The following ZZEF1 variants were observed in gnomAD, a reference collection of about 807,000 sequenced individuals.
The protein encoded by ZZEF1 is zinc finger ZZ-type and EF-hand domain containing 1.
Under a neutral mutation model 342.8 loss-of-function variants are expected in ZZEF1, and 157 were observed. The observed-to-expected ratio is 0.46, with a 90% CI of 0.40 to 0.52. ZZEF1 has a LOEUF of 0.52. Among genes scored for constraint, ZZEF1 ranks in the 20% least tolerant of loss-of-function variants. The pLI is 0.00. For synonymous variants in ZZEF1, 1,505 were observed against 1,429.1 expected, an observed-to-expected ratio of 1.05 and a Z score of -1.20; for missense variants, 3,480 against 3,725.6, an observed-to-expected ratio of 0.93 and a Z score of 1.72.
intron 17 of ZZEF1, 121 bp downstream of exon 17, chr17:4,082,316 G>C (rs997124433): frequency 2.2e-6 from 2 of 893,166 alleles, no homozygotes; most frequent in African/African-American, 3.4e-5. Context: ...CAGAAACTCG[G>C]CTTTCTAACT....
intron 1 of ZZEF1, among the ~76,000 whole-genome samples, chr17:4,137,609 AAATAAT>A (rs546133221): frequency 2.0e-5 from 3 of 152,068 alleles, no homozygotes; most frequent in Non-Finnish European, 4.4e-5. Context: ...CTCTGTCTCA[AAATAAT>A]AATAATAATA....
At chr17:4,050,500 C>G (rs2057021414) in intron 36 of ZZEF1, among the ~76,000 whole-genome samples, 2 of 152,208 alleles carry the variant, frequency 1.3e-5, no homozygotes, top group South Asian at 4.1e-4. Flanking sequence ...GATTCAAATA[C>G]TAGACTGCAT....
At position 4,124,609 on chromosome 17, in the gene ZZEF1, ATTTTTT is replaced by A. The variant is rs34282931; in HGVS notation, c.355-564_355-559del. ...AGGCGCCTGCCACAACGCCAAGCTGATTTTTTTTTTTTTTTTTTTTGTATTTTCAGT... is the reference window on the plus strand; with the variant it reads ...AGGCGCCTGCCACAACGCCAAGCTGATTTTTTTTTTTTTTGTATTTTCAGT... On this transcript the variant is annotated intron_variant, in intron 1 of 54. Transcript: ENST00000381638. Among the ~76,000 whole-genome samples the A allele has an allele frequency of 9.5e-3, 1,207 of 126,772 alleles. 15 individuals are homozygous for A. The highest frequency in any genetic ancestry group is 0.033 in the African/African-American group (1,151 of 35,178). The allele number at this position is 126,772 out of a possible 152,430, so 83.2% of individuals were successfully genotyped here. A position where few individuals can be genotyped will look rare whatever the true frequency, so the allele number is the denominator to read the frequency against.
chr17:4,127,439 G>A (rs1313636829), intron 1 of ZZEF1, among the ~76,000 whole-genome samples: 2 of 152,186 alleles, frequency 1.3e-5, no homozygotes, highest in African/African-American at 4.8e-5. Flanking sequence ...ATGATATGAT[G>A]TCAAGATTCA....
intron 42 of ZZEF1, among the ~76,000 whole-genome samples, chr17:4,026,692 G>A (rs1191814104): frequency 2.0e-5 from 3 of 151,698 alleles, no homozygotes; most frequent in Non-Finnish European, 2.9e-5. Flanking sequence ...AGATATTTTT[G>A]TATTTTTAGT....
At chr17:4,018,835 C>A (rs77649793) in intron 46 of ZZEF1, among the ~76,000 whole-genome samples, 8,789 of 151,910 alleles carry the variant, frequency 0.058, 384 homozygotes, top group South Asian at 0.13. Flanking sequence ...ATGGTGCACT[C>A]CCTTCTCCAC....
chr17:4,134,329 A>AAT (rs1056136737), intron 1 of ZZEF1, among the ~76,000 whole-genome samples: 16 of 144,580 alleles, frequency 1.1e-4, no homozygotes, highest in South Asian at 2.1e-4. Flanking sequence ...AAAAAGAAAA[A>AAT]ATATATATAT....
chr17:4,065,165 AG>A (rs1472415319), intron 28 of ZZEF1, among the ~76,000 whole-genome samples: 1 of 152,210 alleles, frequency 6.6e-6, no homozygotes, highest in African/African-American at 2.4e-5. Context: ...GCACTTTGGG[AG>A]GCCAAGGCAG....
At chr17:4,125,629 A>G (rs1332830160) in intron 1 of ZZEF1, among the ~76,000 whole-genome samples, 1 of 152,234 alleles carries the variant, frequency 6.6e-6, no homozygotes, top group Admixed American at 6.5e-5. Flanking sequence ...AAAGGAGAGC[A>G]GGTATTATCT....
chr17:4,033,207 G>T, intron 40 of ZZEF1: 1 of 500,288 alleles, frequency 2.0e-6, no homozygotes, highest in Non-Finnish European at 3.5e-6. Context: ...CTCACCCTAC[G>T]GCTGTGTTTC....
Position 4,131,670 on chromosome 17 carries a change from G to A in ZZEF1, c.355-7619C>T, listed in dbSNP as rs181134329. 3.3e-5 allele frequency among the ~76,000 whole-genome samples: 5 copies of A among 151,948 alleles called. No homozygotes were observed. In the East Asian group the frequency reaches 7.7e-4, roughly 24 times the overall value. On this transcript the variant is annotated intron_variant, in intron 1 of 54. Coordinates refer to ENST00000381638, the MANE Select transcript of ZZEF1 (RefSeq NM_015113.4). ...TGGTATGCACCTGTAATCCCAGCTA[G>A]TCGAGAGGCTGAGGTGGGAGGATCA...
At chr17:4,123,224 CTCT>C (rs1269057041) in intron 2 of ZZEF1, among the ~76,000 whole-genome samples, 3 of 140,864 alleles carry the variant, frequency 2.1e-5, no homozygotes, top group Middle Eastern at 3.8e-3. Flanking sequence ...CCGGCCTGAC[CTCT>C]TCTTATTATG....
rs764501506 is a variant in ZZEF1, at chr17:4,077,950, C to G, written c.2922G>C (p.Trp974Cys). ...CCGTGCTCTTCAGCTGCAGGTAGCA[C>G]CAGGATAGCAGGCTGCCTTGGACGG... Reference protein sequence around the residue: ...FWSVQGSLLSWCYLQLKSTDS... With the variant: ...FWSVQGSLLSCCYLQLKSTDS... The change falls in exon 19 of 55, where the codon TGG (tryptophan) becomes TGC (cysteine). Residue 974 changes from tryptophan to cysteine, a missense_variant. By Grantham distance (215) the Trp-to-Cys change is radical. Transcript: ENST00000381638. 2.5e-6 allele frequency: 4 copies of G among 1,614,134 alleles called. No individual in the cohort carries two copies. Among genetic ancestry groups the G allele is most frequent in the Admixed American group, 1.7e-5 (1 of 60,028 alleles).
At chr17:4,088,392 C>A (rs2057880048) in intron 13 of ZZEF1, among the ~76,000 whole-genome samples, 1 of 152,126 alleles carries the variant, frequency 6.6e-6, no homozygotes, top group African/African-American at 2.4e-5. Context: ...TTTGTTTCCC[C>A]ATGGCAGCCA....
chr17:4,054,880 G>A (rs2145183182), intron 33 of ZZEF1, among the ~76,000 whole-genome samples: 1 of 152,302 alleles, frequency 6.6e-6, no homozygotes, highest in East Asian at 1.9e-4. Flanking sequence ...CTGAGTAGTA[G>A]GCGGGATGGT....
At position 4,109,730 on chromosome 17, in the gene ZZEF1, C is replaced by A; in HGVS notation, c.1200G>T (p.Trp400Cys). ...SVSDASAIWY[W>C]SLLTSLVTAS... ...CCGTCACCAGAGATGTCAGCAGAGA[C>A]CAATACCATATTGCAGAAGCATCTG... Residue 400 changes from tryptophan to cysteine, a missense_variant, in exon 6 of 55, where the codon TGG becomes TGT. This residue lies in a region of ZZEF1 where 1,528 missense variants were observed against 1,624.1 expected (regional missense o/e 0.94). Coordinates refer to ENST00000381638, the MANE Select transcript of ZZEF1 (RefSeq NM_015113.4). The A allele has an allele frequency of 6.2e-7, 1 of 1,614,158 alleles. No homozygotes were observed. Among genetic ancestry groups the A allele is most frequent in the Middle Eastern group, 1.6e-4 (1 of 6,062 alleles).
Position 4,076,855 on chromosome 17 carries a change from T to C in ZZEF1, c.3111+13A>G, listed in dbSNP as rs749963023. Reference sequence around the variant, plus strand: ...CTTCCGGTTCTTTACAAATAGCTGCTAGTTTTTCTTACCAGTTGACGAGCT... The same window carrying C: ...CTTCCGGTTCTTTACAAATAGCTGCCAGTTTTTCTTACCAGTTGACGAGCT... On this transcript the variant is annotated intron_variant, in intron 20 of 54. Transcript: ENST00000381638. 3 of 1,614,050 alleles carry C rather than the reference T, an allele frequency of 1.9e-6. No individual in the cohort carries two copies. Among genetic ancestry groups the C allele is most frequent in the Non-Finnish European group, 2.5e-6 (3 of 1,179,936 alleles).
chr17:4,046,883 G>C (rs951802395), intron 37 of ZZEF1, among the ~76,000 whole-genome samples: 2 of 152,200 alleles, frequency 1.3e-5, no homozygotes, highest in Admixed American at 1.3e-4. Flanking sequence ...ATTGGACGGA[G>C]AAAAGGTAGA....
intron 42 of ZZEF1, among the ~76,000 whole-genome samples, chr17:4,027,452 G>A (rs531869638): frequency 1.3e-5 from 2 of 151,482 alleles, no homozygotes; most frequent in East Asian, 1.9e-4. Context: ...ACACCACCAC[G>A]TGTGGCTAAT....
Sources: allele counts gnomAD v4.1 joint callset (sites outside exome capture counted in the v4.1 genomes callset), GRCh38; gene constraint gnomAD v4.1.1; regional missense constraint gnomAD v4.1.1; transcripts MANE v1.5; gene names NCBI Gene and HGNC (gene_info 2026-07-23, HGNC 2026-07-21).